NR3C2: variants seen among roughly 807,000 people sequenced by gnomAD.
The protein encoded by NR3C2 is nuclear receptor subfamily 3 group C member 2, also known as mineralocorticoid receptor.
NR3C2 carries 15 observed loss-of-function variants against 86.4 expected under a neutral mutation model. The ratio of observed to expected loss-of-function variants is 0.17; its 90% CI spans 0.12 to 0.27. NR3C2 has a LOEUF of 0.27. Ranked by LOEUF, NR3C2 falls within the 10% of genes least tolerant of loss-of-function variation. The pLI, the probability that NR3C2 is intolerant of heterozygous loss-of-function variation, is 1.00. For missense variants in NR3C2, 960 were observed against 1,195.6 expected (o/e 0.80, Z 2.91); for synonymous variants, 458 against 450.5 (o/e 1.02, Z -0.21).
chr4:148,299,702 A>G (rs76883514), intron 2 of NR3C2, among the ~76,000 whole-genome samples: 4,601 of 152,362 alleles, frequency 0.03, 105 homozygotes, highest in African/African-American at 0.064. Flanking sequence ...ACCTACATGC[A>G]TAAGAATAAG....
intron 3 of NR3C2, among the ~76,000 whole-genome samples, chr4:148,206,564 A>G (rs544080295): frequency 9.7e-4 from 147 of 152,318 alleles, no homozygotes; most frequent in Non-Finnish European, 1.8e-3. Flanking sequence ...GTCTGTTTGA[A>G]CCAAAATTCT....
intron 2 of NR3C2, among the ~76,000 whole-genome samples, chr4:148,385,018 A>G (rs1276564495): frequency 1.3e-5 from 2 of 152,216 alleles, no homozygotes; most frequent in African/African-American, 4.8e-5. Flanking sequence ...GTCCAAATGG[A>G]TAATTGCTCC....
Position 148,407,909 on chromosome 4 carries a change from G to A in NR3C2, c.1757+27195C>T, listed in dbSNP as rs547060398. 5.9e-5 allele frequency among the ~76,000 whole-genome samples: 9 copies of A among 152,168 alleles called. No homozygotes were observed. The East Asian group carries it at 7.7e-4, about 13-fold the overall frequency. ...CAATAATATATATTAGCAAGTTAACGTAAAGAAAGTCCCGATAACCTGTTA... is the reference window on the plus strand; with the variant it reads ...CAATAATATATATTAGCAAGTTAACATAAAGAAAGTCCCGATAACCTGTTA... On this transcript the variant is annotated intron_variant, in intron 2 of 8. Transcript: ENST00000358102.
At chr4:148,193,940 A>C (rs1238474332) in intron 4 of NR3C2, among the ~76,000 whole-genome samples, 1 of 152,224 alleles carries the variant, frequency 6.6e-6, no homozygotes, top group Admixed American at 6.5e-5. Flanking sequence ...CACTGATCTT[A>C]AAAGCCAGTT....
At chr4:148,328,074 G>A (rs1416359261) in intron 2 of NR3C2, among the ~76,000 whole-genome samples, 1 of 152,142 alleles carries the variant, frequency 6.6e-6, no homozygotes, top group East Asian at 1.9e-4. Context: ...CTTCAACACC[G>A]GCTTGCTGCC....
chr4:148,147,841 AGGCAATGT>A, intron 6 of NR3C2, among the ~76,000 whole-genome samples: 1 of 152,222 alleles, frequency 6.6e-6, no homozygotes, highest in East Asian at 1.9e-4. Context: ...AGGCATTGGC[AGGCAATGT>A]GTGAGGCATG....
Position 148,081,128 on chromosome 4 carries a change from TTGGAGGTGGGGAATCCTTCAGACTGCTC to T in NR3C2, c.*188_*215del. On this transcript the variant is annotated 3_prime_UTR_variant, in exon 9 of 9. Coordinates refer to ENST00000358102, the MANE Select transcript of NR3C2 (RefSeq NM_000901.5). ...GAACATGTTTCTAAGCGCTGGGGGA[TTGGAGGTGGGGAATCCTTCAGACTGCTC>T]TGGTCTCGCCAAATCCACGGAAAAA... The T allele has an allele frequency of 1.7e-6, 1 of 594,820 alleles. No individual in the cohort carries two copies. The highest frequency in any genetic ancestry group is 2.0e-5 in the South Asian group (1 of 50,980). 36.8% of individuals were successfully genotyped at this position (594,820 alleles called of 1,614,324 possible).
At chr4:148,316,742 A>T (rs1369358506) in intron 2 of NR3C2, among the ~76,000 whole-genome samples, 1 of 152,112 alleles carries the variant, frequency 6.6e-6, no homozygotes, top group Non-Finnish European at 1.5e-5. Context: ...GGTTTTGAAC[A>T]TTCCACTTAA....
In NR3C2 at chr4:148,178,028, G is replaced by A. The variant is rs561356115; in HGVS notation, c.2014+16718C>T. ...TTTTCAAAGTAGGCATAAGTAAAAC[G>A]TTTTCGACTCCAAAATAAAGCCTTC... On this transcript the variant is annotated intron_variant, in intron 4 of 8. Transcript: ENST00000358102. Among the ~76,000 whole-genome samples the A allele has an allele frequency of 5.3e-5, 8 of 152,262 alleles. No individual in the cohort carries two copies. The South Asian group carries it at 1.7e-3, about 32-fold the overall frequency.
intron 8 of NR3C2, among the ~76,000 whole-genome samples, chr4:148,102,033 C>T (rs946914745): frequency 1.3e-5 from 2 of 152,228 alleles, no homozygotes; most frequent in Non-Finnish European, 2.9e-5. Flanking sequence ...GTTGTTCAGG[C>T]CATTTGCTAA....
At chr4:148,177,994 G>T (rs1735454955) in intron 4 of NR3C2, among the ~76,000 whole-genome samples, 1 of 152,124 alleles carries the variant, frequency 6.6e-6, no homozygotes, top group Non-Finnish European at 1.5e-5. Flanking sequence ...TCTTGTTTTG[G>T]TTCGTGTGTT....
intron 2 of NR3C2, among the ~76,000 whole-genome samples, chr4:148,324,451 C>T (rs891845239): frequency 1.3e-5 from 2 of 149,920 alleles, no homozygotes; most frequent in African/African-American, 4.9e-5. Flanking sequence ...AGGTTGTTTC[C>T]ATATCTTGGC....
chr4:148,350,963 T>C (rs1260789652), intron 2 of NR3C2, among the ~76,000 whole-genome samples: 1 of 152,178 alleles, frequency 6.6e-6, no homozygotes, highest in Non-Finnish European at 1.5e-5. Context: ...AAATATAATG[T>C]TGTTCAATAA....
chr4:148,250,637 G>T (rs1436577660), intron 3 of NR3C2, among the ~76,000 whole-genome samples: 5 of 152,128 alleles, frequency 3.3e-5, no homozygotes, highest in Non-Finnish European at 7.4e-5. Flanking sequence ...TTTAAAACTT[G>T]CAAGAAAACA....
At chr4:148,271,928 G>T (rs1740703701) in intron 2 of NR3C2, among the ~76,000 whole-genome samples, 1 of 152,084 alleles carries the variant, frequency 6.6e-6, no homozygotes, top group Non-Finnish European at 1.5e-5. Flanking sequence ...TGCTGTCCTG[G>T]TATTAAAGAA....
intron 2 of NR3C2, among the ~76,000 whole-genome samples, chr4:148,266,503 C>T (rs568383957): frequency 1.3e-5 from 2 of 152,014 alleles, no homozygotes; most frequent in Non-Finnish European, 2.9e-5. Flanking sequence ...AAAATGAGGG[C>T]AATGGGGCAA....
chr4:148,430,414 C>T (rs1229280223), intron 2 of NR3C2, among the ~76,000 whole-genome samples: 1 of 151,986 alleles, frequency 6.6e-6, no homozygotes, highest in African/African-American at 2.4e-5. Flanking sequence ...TATTATAAAA[C>T]ACTTAATTTT....
At chr4:148,316,796 G>A (rs1743207459) in intron 2 of NR3C2, among the ~76,000 whole-genome samples, 1 of 151,908 alleles carries the variant, frequency 6.6e-6, no homozygotes, top group African/African-American at 2.4e-5. Context: ...TTTTGTTGTT[G>A]TTGTTGTTTT....
intron 2 of NR3C2, among the ~76,000 whole-genome samples, chr4:148,330,082 G>A (rs1744156966): frequency 6.6e-6 from 1 of 152,054 alleles, no homozygotes; most frequent in African/African-American, 2.4e-5. Context: ...TTCAACTGGG[G>A]GTTTCTAAGG....
Sources: allele counts gnomAD v4.1 joint callset (sites outside exome capture counted in the v4.1 genomes callset), GRCh38; gene constraint gnomAD v4.1.1; transcripts MANE v1.5; gene names NCBI Gene and HGNC (gene_info 2026-07-23, HGNC 2026-07-21).